The following ABLIM3 variants were observed in gnomAD, a reference collection of about 807,000 sequenced individuals.
ABLIM3 encodes actin binding LIM protein family member 3, also known as actin-binding LIM protein 3.
In ABLIM3, 61 loss-of-function variants were observed where a neutral mutation model predicts 109.5. The observed-to-expected ratio is 0.56, with a 90% CI of 0.45 to 0.69. ABLIM3 has a LOEUF of 0.69. ABLIM3 is among the 30% of genes least tolerant of loss of function. The pLI, the probability that ABLIM3 is intolerant of heterozygous loss-of-function variation, is 0.00. For synonymous variants in ABLIM3, 300 were observed against 324.8 expected, an observed-to-expected ratio of 0.92 and a Z score of 0.82; for missense variants, 796 against 889.5, an observed-to-expected ratio of 0.89 and a Z score of 1.34.
chr5:149,232,723 A>T (rs1294933164), intron 9 of ABLIM3, among the ~76,000 whole-genome samples: 1 of 152,186 alleles, frequency 6.6e-6, no homozygotes, highest in Non-Finnish European at 1.5e-5. Context: ...TCTGCTAAGG[A>T]AGCTATTAAT....
chr5:149,163,604 T>G (rs1390685751), intron 2 of ABLIM3, among the ~76,000 whole-genome samples: 2 of 152,182 alleles, frequency 1.3e-5, no homozygotes, highest in Non-Finnish European at 2.9e-5. Context: ...TGCTTGCCTG[T>G]GTCCCATCCC....
At chr5:149,172,952 A>T (rs560285147) in intron 2 of ABLIM3, among the ~76,000 whole-genome samples, 1 of 152,240 alleles carries the variant, frequency 6.6e-6, no homozygotes, top group Admixed American at 6.5e-5. Flanking sequence ...CAAAAACTGA[A>T]TGACAGACAA....
intron 8 of ABLIM3, among the ~76,000 whole-genome samples, chr5:149,230,166 C>T (rs1469805642): frequency 1.3e-5 from 2 of 152,200 alleles, no homozygotes; most frequent in Non-Finnish European, 2.9e-5. Context: ...ATGCACTCAC[C>T]TCTTCACCCC....
At chr5:149,149,495 A>T (rs1019628309) in intron 2 of ABLIM3, among the ~76,000 whole-genome samples, 4 of 152,210 alleles carry the variant, frequency 2.6e-5, no homozygotes, top group Admixed American at 2.0e-4. Context: ...GGAAACTCAT[A>T]GCTCCCGGGA....
At chr5:149,257,987 A>G (rs544571237) in intron 23 of ABLIM3, among the ~76,000 whole-genome samples, 1 of 152,276 alleles carries the variant, frequency 6.6e-6, no homozygotes, top group South Asian at 2.1e-4. Context: ...CAGAAAGCGG[A>G]GGGGTCAACA....
intron 3 of ABLIM3, among the ~76,000 whole-genome samples, chr5:149,195,617 A>AG (rs1757889833): frequency 6.6e-6 from 1 of 151,990 alleles, no homozygotes; most frequent in Admixed American, 6.6e-5. Flanking sequence ...AAGGAGACAA[A>AG]GGAGAGAAAA....
chr5:149,153,578 C>T (rs1227067905), intron 2 of ABLIM3, among the ~76,000 whole-genome samples: 1 of 152,204 alleles, frequency 6.6e-6, no homozygotes, highest in East Asian at 1.9e-4. Flanking sequence ...CCTGATCAGG[C>T]TCTGTTTGAA....
At chr5:149,208,805 G>A (rs1269727691) in intron 6 of ABLIM3, among the ~76,000 whole-genome samples, 2 of 152,204 alleles carry the variant, frequency 1.3e-5, no homozygotes, top group Admixed American at 1.3e-4. Flanking sequence ...ACACCTGCCT[G>A]TGTCCAAGAT....
chr5:149,223,947 G>T (rs1437905733), intron 8 of ABLIM3, among the ~76,000 whole-genome samples: 3 of 152,210 alleles, frequency 2.0e-5, no homozygotes, highest in African/African-American at 4.8e-5. Context: ...TGCTGGTTCT[G>T]CCAGTCTGAG....
At chr5:149,247,962 G>A in intron 18 of ABLIM3, 33 bp downstream of exon 18, 1 of 1,602,992 alleles carries the variant, frequency 6.2e-7, no homozygotes. Flanking sequence ...AACGGGGCGG[G>A]GACACCTTTC....
chr5:149,216,914 G>C (rs778976265), intron 7 of ABLIM3, 45 bp from the exon 8 acceptor site: 2 of 1,552,736 alleles, frequency 1.3e-6, no homozygotes, highest in Non-Finnish European at 1.8e-6. Flanking sequence ...CCACTAGACA[G>C]CAGCCCTGGC....
At chr5:149,216,522 C>CTTT in intron 7 of ABLIM3, 1 of 151,196 alleles carries the variant, frequency 6.6e-6, no homozygotes, top group Non-Finnish European at 1.5e-5. Context: ...CTGAAAAGAT[C>CTTT]TTTTTTTTTT....
intron 3 of ABLIM3, among the ~76,000 whole-genome samples, chr5:149,190,170 CAG>C (rs1234514964): frequency 6.6e-6 from 1 of 152,106 alleles, no homozygotes; most frequent in Non-Finnish European, 1.5e-5. Context: ...TATATAAAGA[CAG>C]AAAGCAGATT....
chr5:149,259,451 T>C lies in ABLIM3; in HGVS notation c.*1047T>C, dbSNP rs1383818993. ...TAGGCCGTGTCTCAAAGAAAGGTTCTTGGTCTATGCCTCTGGTCTGTGGGC... is the reference window on the plus strand; with the variant it reads ...TAGGCCGTGTCTCAAAGAAAGGTTCCTGGTCTATGCCTCTGGTCTGTGGGC... On this transcript the variant is annotated 3_prime_UTR_variant, in exon 24 of 24. Coordinates refer to ENST00000309868, the MANE Select transcript of ABLIM3 (RefSeq NM_014945.5). 6.5e-7 allele frequency: 1 copy of C among 1,531,804 alleles called. No homozygotes were observed. The highest frequency in any genetic ancestry group is 8.7e-7 in the Non-Finnish European group (1 of 1,144,378). The allele number at this position is 1,531,804 out of a possible 1,614,324, so 94.9% of individuals were successfully genotyped here. A position where few individuals can be genotyped will look rare whatever the true frequency, so the allele number is the denominator to read the frequency against.
rs557220888 is a variant in ABLIM3, at chr5:149,248,517, C to T, written c.1699+588C>T. Among the ~76,000 whole-genome samples, 10 of 151,992 alleles carry T rather than the reference C, an allele frequency of 6.6e-5. No individual in the cohort carries two copies. In the South Asian group the frequency reaches 8.3e-4, roughly 13 times the overall value. On this transcript the variant is annotated intron_variant, in intron 18 of 23. Transcript: ENST00000309868. ...CCATCCTGGCTAACATGGTGAAACC[C>T]GGTCTTTACTAAAAATACAGAAAAT...
At chr5:149,208,418 C>A (rs1361575136) in intron 6 of ABLIM3, among the ~76,000 whole-genome samples, 3 of 129,800 alleles carry the variant, frequency 2.3e-5, no homozygotes, top group African/African-American at 5.8e-5. Flanking sequence ...GTCTCTCTTT[C>A]TCTCTCTCTG....
At position 149,249,806 on chromosome 5, in the gene ABLIM3, C is replaced by T. The variant is rs775310981; in HGVS notation, c.1700-9C>T. ...ATGAGCAATGACCTTCAGCTTTTCT[C>T]TCCTGCAGCCCCTCGGTCGCACTAC... On this transcript the variant is annotated splice_polypyrimidine_tract_variant and intron_variant, in intron 18 of 23. Coordinates refer to ENST00000309868, the MANE Select transcript of ABLIM3 (RefSeq NM_014945.5). 31 of 1,614,074 alleles carry T rather than the reference C, an allele frequency of 1.9e-5. No individual in the cohort carries two copies. In the Admixed American group the frequency reaches 5.2e-4, roughly 27 times the overall value.
chr5:149,254,083 A>T (rs1177111238), intron 23 of ABLIM3, among the ~76,000 whole-genome samples: 1 of 152,088 alleles, frequency 6.6e-6, no homozygotes, highest in Non-Finnish European at 1.5e-5. Context: ...GTATATGGGA[A>T]ACTGCCCCCA....
chr5:149,227,169 C>T, intron 8 of ABLIM3, among the ~76,000 whole-genome samples: 1 of 150,562 alleles, frequency 6.6e-6, no homozygotes, highest in African/African-American at 2.4e-5. Flanking sequence ...CCAAATGTTA[C>T]AGGTGTGGAG....
Sources: allele counts gnomAD v4.1 joint callset (sites outside exome capture counted in the v4.1 genomes callset), GRCh38; gene constraint gnomAD v4.1.1; transcripts MANE v1.5; gene names NCBI Gene and HGNC (gene_info 2026-07-23, HGNC 2026-07-21).